Variants in HBEGF observed in about 807,000 individuals in gnomAD.
The protein encoded by HBEGF is proheparin-binding EGF-like growth factor.
A neutral mutation model predicts 19.5 loss-of-function variants in HBEGF; 8 were observed. The ratio of observed to expected loss-of-function variants is 0.41; its 90% CI spans 0.24 to 0.74. The LOEUF is 0.74. HBEGF is among the 30% of genes least tolerant of loss of function. The probability of loss-of-function intolerance (pLI) is 0.32; values close to 1 mark genes in which losing one functional copy is unlikely to be tolerated. For synonymous variants in HBEGF, 97 were observed against 108.9 expected (o/e 0.89, Z 0.68); for missense variants, 207 against 256.9 (o/e 0.81, Z 1.33).
Position 140,345,976 on chromosome 5 carries a change from G to A in HBEGF, c.155C>T (p.Pro52Leu), listed in dbSNP as rs1415628492. ...TTTCCGGTCCCGGCCGCCTCCTAGG[G>A]GTAGCAGCTGGTCCGTGGATACAGT... ...PPTVSTDQLL[P>L]LGGGRDRKVR... Residue 52 changes from proline to leucine, a missense_variant, in exon 2 of 6, where the codon CCC (proline) becomes CTC (leucine). Pro to Leu is a moderately conservative substitution (Grantham distance 98, BLOSUM62 -3). Coordinates refer to ENST00000230990, the MANE Select transcript of HBEGF (RefSeq NM_001945.3). 1.9e-6 allele frequency: 3 copies of A among 1,614,186 alleles called. No homozygotes were observed. The highest frequency in any genetic ancestry group is 1.7e-5 in the Admixed American group (1 of 60,026).
At chr5:140,345,831 G>A in intron 2 of HBEGF, 80 bp downstream of exon 2, 6 of 1,559,884 alleles carry the variant, frequency 3.8e-6, no homozygotes, top group Admixed American at 3.5e-5. Flanking sequence ...CCACAGTATT[G>A]CCCAAACAGC....
intron 3 of HBEGF, among the ~76,000 whole-genome samples, chr5:140,339,052 T>A (rs967171638): frequency 6.6e-6 from 1 of 152,202 alleles, no homozygotes; most frequent in Non-Finnish European, 1.5e-5. Context: ...CACTAGAGTA[T>A]TGTGAAAAGA....
At chr5:140,342,158 C>T (rs1351963524) in intron 3 of HBEGF, among the ~76,000 whole-genome samples, 1 of 152,200 alleles carries the variant, frequency 6.6e-6, no homozygotes, top group East Asian at 1.9e-4. Flanking sequence ...CCTGCCATGC[C>T]TCACAGTCAA....
chr5:140,337,370 A>G (rs370728583), intron 3 of HBEGF, among the ~76,000 whole-genome samples: 173 of 152,246 alleles, frequency 1.1e-3, no homozygotes, highest in African/African-American at 3.9e-3. Context: ...TGTGCTGCCC[A>G]CTCACACCTG....
At position 140,339,023 on chromosome 5, in the gene HBEGF, G is replaced by A. The variant is rs114479541; in HGVS notation, c.399-2996C>T. On this transcript the variant is annotated intron_variant, in intron 3 of 5. Coordinates refer to ENST00000230990, the MANE Select transcript of HBEGF (RefSeq NM_001945.3). ...ATTGGTTTCCTCATGTAAAACACAG[G>A]GATAAGAAATGCCTACTTCACTAGA... Among the ~76,000 whole-genome samples the A allele has an allele frequency of 3.6e-4, 55 of 152,242 alleles. No individual in the cohort carries two copies. The Middle Eastern group carries it at 0.014, about 38-fold the overall frequency.
intron 2 of HBEGF, among the ~76,000 whole-genome samples, chr5:140,345,070 C>A (rs1156378243): frequency 6.6e-6 from 1 of 152,212 alleles, no homozygotes; most frequent in Non-Finnish European, 1.5e-5. Context: ...GGGAGAAGGG[C>A]AGCTGAGGAG....
At position 140,345,877 on chromosome 5, in the gene HBEGF, C is replaced by T; in HGVS notation, c.220+34G>A. On this transcript the variant is annotated intron_variant, in intron 2 of 5. Coordinates refer to ENST00000230990, the MANE Select transcript of HBEGF (RefSeq NM_001945.3). ...GATCTGCTTATTCTTCAACAGCCCA[C>T]CAAGGTCCAAGGATGGGGGGCCTCC... 3 of 1,612,614 alleles carry T rather than the reference C, an allele frequency of 1.9e-6. 1 individual carries two copies. The South Asian group carries it at 3.3e-5, about 18-fold the overall frequency.
At chr5:140,345,630 C>T (rs1468658889) in intron 2 of HBEGF, among the ~76,000 whole-genome samples, 1 of 152,148 alleles carries the variant, frequency 6.6e-6, no homozygotes, top group Non-Finnish European at 1.5e-5. Context: ...TATCACCCAG[C>T]TTACCTAAGA....
At chr5:140,334,448 T>C (rs1766197588) in intron 5 of HBEGF, among the ~76,000 whole-genome samples, 168 bp from the exon 6 acceptor site, 2 of 152,136 alleles carry the variant, frequency 1.3e-5, no homozygotes, top group Non-Finnish European at 2.9e-5. Flanking sequence ...GGAGAAGCTG[T>C]CCTCTCAGGC....
At chr5:140,340,695 C>A (rs1039062698) in intron 3 of HBEGF, among the ~76,000 whole-genome samples, 10 of 151,522 alleles carry the variant, frequency 6.6e-5, no homozygotes, top group African/African-American at 2.4e-4. Flanking sequence ...TGCTGTTAGA[C>A]TAGTAAAAGA....
intron 3 of HBEGF, among the ~76,000 whole-genome samples, chr5:140,341,256 C>A (rs1766307110): frequency 6.6e-6 from 1 of 152,222 alleles, no homozygotes. Context: ...CCACACAGTG[C>A]AAGCCCCACA....
intron 5 of HBEGF, 109 bp from the exon 6 acceptor site, chr5:140,334,389 T>G (rs1015183878): frequency 3.4e-5 from 15 of 436,958 alleles, no homozygotes; most frequent in Middle Eastern, 5.9e-4. Flanking sequence ...AGGGTTTCAC[T>G]CTGTCTCCCA....
Position 140,345,901 on chromosome 5 carries a change from C to T in HBEGF, c.220+10G>A. The T allele has an allele frequency of 7.4e-6, 12 of 1,614,086 alleles. No homozygotes were observed. The highest frequency in any genetic ancestry group is 1.0e-5 in the Non-Finnish European group (12 of 1,179,962). ...ACCAAGGTCCAAGGATGGGGGGCCT[C>T]CACACCCACCTCTCAAAAGGTCCAG... On this transcript the variant is annotated intron_variant, in intron 2 of 5. Coordinates refer to ENST00000230990, the MANE Select transcript of HBEGF (RefSeq NM_001945.3).
intron 3 of HBEGF, 121 bp downstream of exon 3, chr5:140,342,514 G>A (rs1015179727): frequency 2.8e-5 from 28 of 985,074 alleles, no homozygotes; most frequent in Admixed American, 1.3e-4. Flanking sequence ...CCCAACTTCC[G>A]CCCAGAGGTT....
rs908879509 is a variant in HBEGF at position 140,333,206 on chromosome 5, T to C, written c.*1093A>G. 14 of 153,064 alleles carry C rather than the reference T, an allele frequency of 9.1e-5. No individual in the cohort carries two copies. The highest frequency in any genetic ancestry group is 3.4e-4 in the African/African-American group (14 of 41,454). 9.5% of individuals were successfully genotyped at this position (153,064 alleles called of 1,614,324 possible). ...AGAAATGTCTTGACACAAGGGAAAG[T>C]GAGTTCCCACGCTGTGGGCCTGGGG... On this transcript the variant is annotated 3_prime_UTR_variant, in exon 6 of 6. Coordinates refer to ENST00000230990, the MANE Select transcript of HBEGF (RefSeq NM_001945.3).
In HBEGF at chr5:140,346,125, A is replaced by G; in HGVS notation, c.47-41T>C. 6.3e-7 allele frequency: 1 copy of G among 1,591,760 alleles called. No individual in the cohort carries two copies. ...CAGGCCGCATCAGACACCCGCCCAG[A>G]CCCCTGACCAACACGCACCGATGCC... On this transcript the variant is annotated intron_variant, in intron 1 of 5. Transcript: ENST00000230990. This position sits in a 1 kb window ranked among gnomAD's most constrained non-coding sequence, Gnocchi z 6.1.
At chr5:140,338,594 A>G (rs1224943904) in intron 3 of HBEGF, among the ~76,000 whole-genome samples, 1 of 151,894 alleles carries the variant, frequency 6.6e-6, no homozygotes, top group Non-Finnish European at 1.5e-5. Flanking sequence ...CTCCACCCCC[A>G]CCCTGAGTCA....
Position 140,346,464 on chromosome 5 carries a change from G to T in HBEGF, c.-136C>A. On this transcript the variant is annotated 5_prime_UTR_variant, in exon 1 of 6. Transcript: ENST00000230990. The surrounding 1 kb of genome is among the most constrained non-coding windows in gnomAD (Gnocchi z 6.1). ...GTCTGCCGCCCGCCTCTGCGTGCAA[G>T]CCTGGCCGGGACCCAGGCGCAGCTC... The T allele has an allele frequency of 3.2e-6, 3 of 938,948 alleles. No homozygotes were observed. Among genetic ancestry groups the T allele is most frequent in the Non-Finnish European group, 1.6e-6 (1 of 612,156 alleles). 58.2% of individuals were successfully genotyped at this position (938,948 alleles called of 1,614,324 possible). A position where few individuals can be genotyped will look rare whatever the true frequency, so the allele number is the denominator to read the frequency against.
intron 2 of HBEGF, chr5:140,343,174 C>T (rs186784355): frequency 1.1e-4 from 23 of 211,238 alleles, no homozygotes; most frequent in Middle Eastern, 1.8e-3. Flanking sequence ...CCCACACCCA[C>T]TTCATTCTAT....
Sources: gnomAD v4.1 joint callset for allele counts (sites outside exome capture counted in the v4.1 genomes callset) on GRCh38, gnomAD v4.1.1 for gene constraint, Gnocchi (gnomAD v3.1) non-coding constraint, MANE v1.5 for transcripts, NCBI Gene and HGNC (gene_info 2026-07-23, HGNC 2026-07-21) for gene names.